ADARB1: variants seen among roughly 807,000 people sequenced by gnomAD.
ADARB1 encodes the protein double-stranded RNA-specific editase 1.
ADARB1 carries 10 observed loss-of-function variants against 52.4 expected under a neutral mutation model. That is an observed-to-expected ratio of 0.19 (90% CI 0.12 to 0.32). ADARB1 has a LOEUF of 0.32. ADARB1 is among the 10% of genes least tolerant of loss of function. The probability of loss-of-function intolerance (pLI) is 1.00; values close to 1 mark genes in which losing one functional copy is unlikely to be tolerated. For missense variants in ADARB1, 643 were observed against 922.3 expected (o/e 0.70, Z 3.92); for synonymous variants, 349 against 371.1 (o/e 0.94, Z 0.68).
In ADARB1 at chr21:45,157,136, T is replaced by C. The variant is rs2090700011; in HGVS notation, c.-47-14474T>C. On this transcript the variant is annotated intron_variant, in intron 2 of 10. Coordinates refer to ENST00000348831, the MANE Select transcript of ADARB1 (RefSeq NM_001112.4). The surrounding 1 kb of genome is among the most constrained non-coding windows in gnomAD (Gnocchi z 4.1). The stretch of plus-strand genomic sequence containing the variant: ...CCTCGCAGCACAAGAAAGACTCTGC[T>C]GCCTGGGCAGGAGCTCCTCTCAGCT... Among the ~76,000 whole-genome samples, 1 of 152,226 alleles carries C rather than the reference T, an allele frequency of 6.6e-6. No homozygotes were observed.
intron 2 of ADARB1, among the ~76,000 whole-genome samples, chr21:45,135,269 G>A (rs1192596856): frequency 6.6e-6 from 1 of 152,212 alleles, no homozygotes; most frequent in Non-Finnish European, 1.5e-5. Context: ...AACCCACAGG[G>A]CAGAGAGAGC....
chr21:45,123,988 C>T (rs2088383502), intron 1 of ADARB1, among the ~76,000 whole-genome samples: 1 of 152,138 alleles, frequency 6.6e-6, no homozygotes, highest in Admixed American at 6.5e-5. Context: ...TTCAGTTTTG[C>T]CTGTGATGGA....
chr21:45,075,151 G>A (rs879343269), intron 1 of ADARB1, among the ~76,000 whole-genome samples: 35 of 151,236 alleles, frequency 2.3e-4, no homozygotes, highest in Non-Finnish European at 4.4e-4. Flanking sequence ...TTTGGGGAGG[G>A]GACGGTGTGC....
chr21:45,139,352 T>C (rs2089579520), intron 2 of ADARB1, among the ~76,000 whole-genome samples: 1 of 152,254 alleles, frequency 6.6e-6, no homozygotes, highest in African/African-American at 2.4e-5. Flanking sequence ...ACAGTTTAAT[T>C]TGCTTTATAC....
At position 45,079,591 on chromosome 21, in the gene ADARB1, A is replaced by G. The variant is rs529864560; in HGVS notation, c.-220+4798A>G. Among the ~76,000 whole-genome samples the G allele has an allele frequency of 2.9e-4, 44 of 152,324 alleles. No individual in the cohort carries two copies. The South Asian group carries it at 8.9e-3, about 31-fold the overall frequency. On this transcript the variant is annotated intron_variant, in intron 1 of 10. Coordinates refer to ENST00000348831, the MANE Select transcript of ADARB1 (RefSeq NM_001112.4). The stretch of plus-strand genomic sequence containing the variant: ...GGGTCATTGTGCAGCTACTTCCTAG[A>G]TGATCTTGAGCAAGCAGTCTAATCT...
chr21:45,169,543 C>T (rs1456497120), intron 2 of ADARB1, among the ~76,000 whole-genome samples: 1 of 152,090 alleles, frequency 6.6e-6, no homozygotes, highest in Non-Finnish European at 1.5e-5. Flanking sequence ...TCCTGAGGCC[C>T]CCTGGCTTGT....
At chr21:45,131,866 G>C (rs1023035087) in intron 2 of ADARB1, among the ~76,000 whole-genome samples, 2 of 152,232 alleles carry the variant, frequency 1.3e-5, no homozygotes, top group Non-Finnish European at 2.9e-5. Context: ...GCTGACCTCT[G>C]TCCTGGTGCC....
At chr21:45,119,919 T>G (rs1024368373) in intron 1 of ADARB1, among the ~76,000 whole-genome samples, 1 of 152,214 alleles carries the variant, frequency 6.6e-6, no homozygotes, top group Non-Finnish European at 1.5e-5. Flanking sequence ...TAAATAAAGC[T>G]GTCATTGGTA....
intron 1 of ADARB1, among the ~76,000 whole-genome samples, chr21:45,126,443 G>A (rs1235682312): frequency 6.6e-6 from 1 of 152,176 alleles, no homozygotes; most frequent in Non-Finnish European, 1.5e-5. Flanking sequence ...AAAGACTCCG[G>A]TGTTTTTGAC....
At chr21:45,164,377 G>A (rs1469218491) in intron 2 of ADARB1, among the ~76,000 whole-genome samples, 1 of 152,164 alleles carries the variant, frequency 6.6e-6, no homozygotes, top group Non-Finnish European at 1.5e-5. Context: ...GAGGAACTCA[G>A]TGTACAGCAT....
intron 1 of ADARB1, among the ~76,000 whole-genome samples, chr21:45,104,246 G>A (rs1210371738): frequency 6.6e-6 from 1 of 152,216 alleles, no homozygotes; most frequent in African/African-American, 2.4e-5. Flanking sequence ...TTTTGGTGCA[G>A]TGGGATATAT....
intron 8 of ADARB1, among the ~76,000 whole-genome samples, chr21:45,189,793 A>T (rs1202412205): frequency 2.0e-5 from 3 of 149,908 alleles, no homozygotes; most frequent in African/African-American, 7.4e-5. Flanking sequence ...TCTGGCTTGC[A>T]AGGTTTCTGC....
At chr21:45,143,390 C>T (rs1488247730) in intron 2 of ADARB1, among the ~76,000 whole-genome samples, 1 of 152,250 alleles carries the variant, frequency 6.6e-6, no homozygotes, top group Non-Finnish European at 1.5e-5. Context: ...TCCTTCCAGG[C>T]TCTCAGGCTG....
chr21:45,196,817 A>T (rs1048090244), intron 8 of ADARB1, among the ~76,000 whole-genome samples: 1 of 152,210 alleles, frequency 6.6e-6, no homozygotes, highest in Non-Finnish European at 1.5e-5. Context: ...AGACTGGCCA[A>T]ACCAAATGTT....
At chr21:45,148,241 G>T (rs1436524546) in intron 2 of ADARB1, among the ~76,000 whole-genome samples, 2 of 152,194 alleles carry the variant, frequency 1.3e-5, no homozygotes, top group Non-Finnish European at 2.9e-5. Flanking sequence ...AGCCCTCAGG[G>T]CCATGGCAGC....
chr21:45,193,654 CTA>C (rs2092356163), intron 8 of ADARB1, among the ~76,000 whole-genome samples: 1 of 152,132 alleles, frequency 6.6e-6, no homozygotes, highest in African/African-American at 2.4e-5. Context: ...TTATACAAAA[CTA>C]TGAGAATGAA....
chr21:45,085,098 C>T (rs1310541205), intron 1 of ADARB1, among the ~76,000 whole-genome samples: 1 of 152,164 alleles, frequency 6.6e-6, no homozygotes, highest in South Asian at 2.1e-4. Flanking sequence ...CTGCTGCATC[C>T]CCAAGCCCTC....
At position 45,097,697 on chromosome 21, in the gene ADARB1, G is replaced by A. The variant is rs11908769; in HGVS notation, c.-220+22904G>A. Among the ~76,000 whole-genome samples, 1,287 of 152,276 alleles carry A rather than the reference G, an allele frequency of 8.5e-3. 13 individuals are homozygous for A. Among genetic ancestry groups the A allele is most frequent in the African/African-American group, 0.029 (1,222 of 41,546 alleles). On this transcript the variant is annotated intron_variant, in intron 1 of 10. Coordinates refer to ENST00000348831, the MANE Select transcript of ADARB1 (RefSeq NM_001112.4). Reference sequence around the variant, plus strand: ...GGACAGCTGGGAGGGAGCCCACTGTGGTGATGGGGAGGGTAGACTAGCAGG... The same window carrying A: ...GGACAGCTGGGAGGGAGCCCACTGTAGTGATGGGGAGGGTAGACTAGCAGG...
Position 45,224,059 on chromosome 21 carries a change from G to A in ADARB1, c.*1862G>A, listed in dbSNP as rs190924198. 1.0e-6 allele frequency: 1 copy of A among 985,350 alleles called. No individual in the cohort carries two copies. Among genetic ancestry groups the A allele is most frequent in the African/African-American group, 1.7e-5 (1 of 57,228 alleles). The allele number at this position is 985,350 out of a possible 1,614,324, so 61.0% of individuals were successfully genotyped here. ...ACCTGCAGAAGGAGAGGGGTCTGTT[G>A]TCGCTGGCTTTCCCCCAAGCAGGCT... On this transcript the variant is annotated 3_prime_UTR_variant, in exon 11 of 11. Transcript: ENST00000348831.
Sources: gnomAD v4.1 joint callset for allele counts (sites outside exome capture counted in the v4.1 genomes callset) on GRCh38, gnomAD v4.1.1 for gene constraint, Gnocchi (gnomAD v3.1) non-coding constraint, MANE v1.5 for transcripts, NCBI Gene and HGNC (gene_info 2026-07-23, HGNC 2026-07-21) for gene names.